Variants in ST8SIA4 observed in about 807,000 individuals in gnomAD.
ST8SIA4 encodes the protein ST8 alpha-N-acetyl-neuraminide alpha-2,8-sialyltransferase 4, also known as CMP-N-acetylneuraminate-poly-alpha-2,8-sialyltransferase.
Under a neutral mutation model 33.9 loss-of-function variants are expected in ST8SIA4, and 15 were observed. That is an observed-to-expected ratio of 0.44 (90% confidence interval 0.30 to 0.68). The LOEUF (loss-of-function observed/expected upper bound fraction) is 0.68, where lower values mean the gene tolerates loss of function less well. ST8SIA4 is among the 30% of genes least tolerant of loss of function. The pLI, the probability that ST8SIA4 is intolerant of heterozygous loss-of-function variation, is 0.10. For synonymous variants in ST8SIA4, 171 were observed against 151.2 expected (o/e 1.13, Z -0.96); for missense variants, 321 against 428.0 (o/e 0.75, Z 2.21).
At chr5:100,814,002 CT>C in intron 4 of ST8SIA4, among the ~76,000 whole-genome samples, 1 of 152,088 alleles carries the variant, frequency 6.6e-6, no homozygotes, top group Admixed American at 6.5e-5. Context: ...AAACTCCAGA[CT>C]TCTTACTATC....
In ST8SIA4 at chr5:100,834,020, G is replaced by T. The variant is rs75897034; in HGVS notation, c.798-21891C>A. ...ATATTTGTTGAATAAGTGAATGAAA[G>T]AATTAAAGGATATTGAAGAGATTAG... On this transcript the variant is annotated intron_variant, in intron 4 of 4. Transcript: ENST00000231461. Among the ~76,000 whole-genome samples, 1,376 of 152,194 alleles carry T rather than the reference G, an allele frequency of 9.0e-3. 18 individuals are homozygous for T. Among genetic ancestry groups the T allele is most frequent in the African/African-American group, 0.031 (1,305 of 41,524 alleles).
In ST8SIA4 at chr5:100,849,710, G is replaced by A. The variant is rs1391055016; in HGVS notation, c.797+6393C>T. Among the ~76,000 whole-genome samples the A allele has an allele frequency of 2.6e-5, 4 of 152,004 alleles. 1 individual carries two copies. Among genetic ancestry groups the A allele is most frequent in the Admixed American group, 2.6e-4 (4 of 15,272 alleles). ...GGAGGCTGAGGCAGAAGAATCAATC[G>A]CTCGAACTCAGAAGGCGGAGGTTGC... is the stretch of plus-strand genomic sequence containing the variant. On this transcript the variant is annotated intron_variant, in intron 4 of 4. Transcript: ENST00000231461.
chr5:100,853,147 G>C (rs1434992643), intron 4 of ST8SIA4, among the ~76,000 whole-genome samples: 1 of 152,104 alleles, frequency 6.6e-6, no homozygotes, highest in African/African-American at 2.4e-5. Context: ...AGTTCTTTGG[G>C]GAGTTTGCCT....
intron 4 of ST8SIA4, among the ~76,000 whole-genome samples, chr5:100,834,888 G>T (rs1262311989): frequency 1.3e-5 from 2 of 152,076 alleles, no homozygotes; most frequent in South Asian, 2.1e-4. Flanking sequence ...GCAGAACCAT[G>T]AACCAATTAA....
chr5:100,845,184 CCTAAT>C (rs1161008843), intron 4 of ST8SIA4, among the ~76,000 whole-genome samples: 1 of 151,908 alleles, frequency 6.6e-6, no homozygotes, highest in Non-Finnish European at 1.5e-5. Context: ...AAACAAAAGA[CCTAAT>C]CTAAACTATT....
intron 4 of ST8SIA4, among the ~76,000 whole-genome samples, chr5:100,837,586 G>A (rs1303702110): frequency 6.6e-6 from 1 of 151,948 alleles, no homozygotes; most frequent in Admixed American, 6.6e-5. Flanking sequence ...GATCCACAGA[G>A]CCACAGTGAA....
intron 2 of ST8SIA4, among the ~76,000 whole-genome samples, chr5:100,892,109 A>T (rs1752683537): frequency 6.6e-6 from 1 of 152,088 alleles, no homozygotes; most frequent in Admixed American, 6.6e-5. Flanking sequence ...ACATTTGTAC[A>T]TTTCTATACA....
intron 4 of ST8SIA4, among the ~76,000 whole-genome samples, chr5:100,830,591 C>T (rs1194693128): frequency 2.0e-5 from 3 of 152,020 alleles, no homozygotes; most frequent in African/African-American, 4.8e-5. Context: ...CTCTATAAAC[C>T]GTCAACAGAC....
chr5:100,861,202 A>G (rs1035389754), intron 3 of ST8SIA4, among the ~76,000 whole-genome samples: 1 of 152,062 alleles, frequency 6.6e-6, no homozygotes, highest in Non-Finnish European at 1.5e-5. Context: ...ACACACACAC[A>G]CCACATTTTA....
At chr5:100,827,944 T>G (rs1010126787) in intron 4 of ST8SIA4, among the ~76,000 whole-genome samples, 1 of 152,250 alleles carries the variant, frequency 6.6e-6, no homozygotes, top group Non-Finnish European at 1.5e-5. Flanking sequence ...TACTGTACAC[T>G]GTTGATAAAC....
At chr5:100,852,201 A>G (rs1417484869) in intron 4 of ST8SIA4, among the ~76,000 whole-genome samples, 2 of 143,952 alleles carry the variant, frequency 1.4e-5, no homozygotes, top group Non-Finnish European at 3.0e-5. Flanking sequence ...GCTCACTGCA[A>G]CCTCTCCCTC....
intron 4 of ST8SIA4, among the ~76,000 whole-genome samples, chr5:100,843,962 C>T (rs915684566): frequency 2.4e-4 from 37 of 151,966 alleles, no homozygotes; most frequent in African/African-American, 2.9e-4. Context: ...CTCATTGAGA[C>T]GTAAAGCCTT....
intron 4 of ST8SIA4, among the ~76,000 whole-genome samples, chr5:100,830,196 G>C (rs1364821587): frequency 1.3e-5 from 2 of 152,234 alleles, no homozygotes; most frequent in African/African-American, 2.4e-5. Context: ...AGGGAATAGA[G>C]TTTACAAGAC....
At chr5:100,888,789 T>G (rs912859106) in intron 2 of ST8SIA4, among the ~76,000 whole-genome samples, 1 of 151,954 alleles carries the variant, frequency 6.6e-6, no homozygotes, top group African/African-American at 2.4e-5. Flanking sequence ...GCTCTAAATA[T>G]TTTCCAGTTT....
intron 4 of ST8SIA4, among the ~76,000 whole-genome samples, chr5:100,850,484 A>C (rs1178296765): frequency 6.6e-6 from 1 of 151,944 alleles, no homozygotes; most frequent in East Asian, 1.9e-4. Context: ...AATTTATACG[A>C]TAATTGAGTT....
chr5:100,818,337 T>G (rs1277074184), intron 4 of ST8SIA4, among the ~76,000 whole-genome samples: 1 of 151,988 alleles, frequency 6.6e-6, no homozygotes, highest in South Asian at 2.1e-4. Flanking sequence ...TCAATAGTGG[T>G]TTTTTTTCTA....
intron 3 of ST8SIA4, among the ~76,000 whole-genome samples, chr5:100,869,547 T>C (rs1037667190): frequency 6.6e-6 from 1 of 152,176 alleles, no homozygotes; most frequent in Non-Finnish European, 1.5e-5. Flanking sequence ...CTCTTTCATA[T>C]ATTTTATTTA....
At chr5:100,832,080 A>G (rs901908294) in intron 4 of ST8SIA4, among the ~76,000 whole-genome samples, 1 of 152,178 alleles carries the variant, frequency 6.6e-6, no homozygotes, top group Non-Finnish European at 1.5e-5. Flanking sequence ...TTCTCTACAT[A>G]GATACTAAAT....
intron 4 of ST8SIA4, among the ~76,000 whole-genome samples, chr5:100,820,451 AT>A (rs1751012940): frequency 6.6e-6 from 1 of 152,034 alleles, no homozygotes; most frequent in Non-Finnish European, 1.5e-5. Context: ...TAATTAATGT[AT>A]TTTTTCAAAT....
Sources: gnomAD v4.1 joint callset for allele counts (sites outside exome capture counted in the v4.1 genomes callset) on GRCh38, gnomAD v4.1.1 for gene constraint, MANE v1.5 for transcripts, NCBI Gene and HGNC (gene_info 2026-07-23, HGNC 2026-07-21) for gene names.